The following WASF2 variants were observed in gnomAD, a reference collection of about 807,000 sequenced individuals.
WASF2 encodes the protein WASP family member 2.
Under a neutral mutation model 45.0 loss-of-function variants are expected in WASF2, and 14 were observed. The observed-to-expected ratio is 0.31, with a 90% CI of 0.21 to 0.49. The LOEUF (loss-of-function observed/expected upper bound fraction) is 0.49. WASF2 is among the 20% of genes least tolerant of loss of function. The pLI is 0.99. For synonymous variants in WASF2, 200 were observed against 236.3 expected (o/e 0.85, Z 1.41); for missense variants, 439 against 636.1 (o/e 0.69, Z 3.33).
intron 1 of WASF2, among the ~76,000 whole-genome samples, chr1:27,480,452 G>A (rs1441170224): frequency 6.6e-6 from 1 of 151,620 alleles, no homozygotes; most frequent in Non-Finnish European, 1.5e-5. Flanking sequence ...GGGAGGCAGA[G>A]GTTGCAGTGA....
intron 2 of WASF2, among the ~76,000 whole-genome samples, chr1:27,420,314 T>C (rs1345796984): frequency 6.6e-6 from 1 of 152,096 alleles, no homozygotes; most frequent in East Asian, 1.9e-4. Flanking sequence ...AAAAACAACA[T>C]AGCAGTGGTC....
At chr1:27,462,578 T>C in intron 1 of WASF2, among the ~76,000 whole-genome samples, 1 of 152,104 alleles carries the variant, frequency 6.6e-6, no homozygotes, top group East Asian at 1.9e-4. Context: ...AGAGCTGGTA[T>C]GACAGGCATG....
intron 1 of WASF2, among the ~76,000 whole-genome samples, chr1:27,472,107 C>A (rs754784386): frequency 4.6e-5 from 7 of 151,992 alleles, no homozygotes; most frequent in Non-Finnish European, 7.4e-5. Context: ...CAGAGGCGGG[C>A]AGATCACGAG....
chr1:27,459,512 G>A (rs186697297), intron 1 of WASF2: 1 of 151,680 alleles, frequency 6.6e-6, no homozygotes, highest in East Asian at 1.9e-4. Context: ...GGAATTCACT[G>A]AATTTAAAGA....
chr1:27,425,744 CAGG>C (rs1557600898), intron 2 of WASF2, among the ~76,000 whole-genome samples: 1 of 143,182 alleles, frequency 7.0e-6, no homozygotes, highest in African/African-American at 2.6e-5. Flanking sequence ...GAGGCTGAGG[CAGG>C]AGAATGGCGT....
chr1:27,416,631 G>C (rs1049636513), intron 4 of WASF2, among the ~76,000 whole-genome samples: 1 of 152,192 alleles, frequency 6.6e-6, no homozygotes, highest in Non-Finnish European at 1.5e-5. Flanking sequence ...TGCACACACA[G>C]AAAACCAACC....
At chr1:27,478,559 T>C (rs1463878846) in intron 1 of WASF2, among the ~76,000 whole-genome samples, 2 of 152,158 alleles carry the variant, frequency 1.3e-5, no homozygotes, top group Non-Finnish European at 2.9e-5. Context: ...GAGGGAACTT[T>C]GGAGGGTTAT....
chr1:27,441,349 T>C (rs1032998638), intron 1 of WASF2, among the ~76,000 whole-genome samples: 29 of 150,624 alleles, frequency 1.9e-4, no homozygotes, highest in African/African-American at 6.6e-4. Context: ...AAAACGTGGC[T>C]GGGCGTGGTG....
chr1:27,489,250 GCGCACACACACA>G lies in WASF2; in HGVS notation c.-44+724_-44+735del, dbSNP rs1273590530. Among the ~76,000 whole-genome samples the G allele has an allele frequency of 1.4e-3, 153 of 111,666 alleles. 2 individuals carry two copies. The highest frequency in any genetic ancestry group is 5.4e-3 in the African/African-American group (138 of 25,648). The allele number at this position is 111,666 out of a possible 152,430, so 73.3% of individuals were successfully genotyped here. ...TTACTCTGCAGACTATCCTGTACGC[GCGCACACACACA>G]CACACACACACACACACACACACAC... On this transcript the variant is annotated intron_variant, in intron 1 of 8. Transcript: ENST00000618852.
At chr1:27,473,461 AAAAAAAAAAAAAAG>A (rs1367717874) in intron 1 of WASF2, among the ~76,000 whole-genome samples, 2 of 151,030 alleles carry the variant, frequency 1.3e-5, no homozygotes, top group East Asian at 1.9e-4. Context: ...TGGCCAAAAA[AAAAAAAAAAAAAAG>A]AAAGAAAAAA....
Position 27,407,593 on chromosome 1 carries a change from T to A in WASF2, c.*596A>T, listed in dbSNP as rs2016696366. On this transcript the variant is annotated 3_prime_UTR_variant, in exon 9 of 9. Coordinates refer to ENST00000618852, the MANE Select transcript of WASF2 (RefSeq NM_006990.5). Reference sequence around the variant, plus strand: ...TTTGGGCAGAGGAGGTGAGACATTCTTTAGAGGCTTGATGCCTCCTGGAAT... The same window carrying A: ...TTTGGGCAGAGGAGGTGAGACATTCATTAGAGGCTTGATGCCTCCTGGAAT... The A allele has an allele frequency of 6.6e-6, 1 of 152,624 alleles. No individual in the cohort carries two copies. Among genetic ancestry groups the A allele is most frequent in the Admixed American group, 6.5e-5 (1 of 15,282 alleles). 9.5% of individuals were successfully genotyped at this position (152,624 alleles called of 1,614,324 possible). A position where few individuals can be genotyped will look rare whatever the true frequency, so the allele number is the denominator to read the frequency against.
intron 1 of WASF2, among the ~76,000 whole-genome samples, chr1:27,436,522 A>G (rs74224110): frequency 0.04 from 6,024 of 152,308 alleles, 607 homozygotes; most frequent in East Asian, 0.36. Flanking sequence ...TCAGTTGGAA[A>G]GTCGAATAGT....
intron 1 of WASF2, among the ~76,000 whole-genome samples, chr1:27,458,878 C>T (rs898356452): frequency 1.1e-4 from 17 of 150,902 alleles, no homozygotes; most frequent in Admixed American, 1.1e-3. Flanking sequence ...GTAATCCTAG[C>T]ACTTTGGGAG....
chr1:27,461,616 C>A (rs989505822), intron 1 of WASF2, among the ~76,000 whole-genome samples: 1 of 152,032 alleles, frequency 6.6e-6, no homozygotes, highest in Admixed American at 6.6e-5. Context: ...GCGCCCGCCA[C>A]CACGCCCAGC....
chr1:27,470,077 G>A (rs186526965), intron 1 of WASF2, among the ~76,000 whole-genome samples: 19 of 152,332 alleles, frequency 1.2e-4, no homozygotes, highest in Non-Finnish European at 2.4e-4. Context: ...TAGTGACAGG[G>A]AGTATTATAT....
intron 1 of WASF2, among the ~76,000 whole-genome samples, chr1:27,466,621 C>G (rs2017614561): frequency 1.3e-5 from 2 of 152,152 alleles, no homozygotes; most frequent in Non-Finnish European, 2.9e-5. Context: ...GAAATTCCAG[C>G]CTTTGGGAAG....
intron 1 of WASF2, among the ~76,000 whole-genome samples, chr1:27,454,658 G>A (rs990192846): frequency 6.6e-5 from 10 of 152,210 alleles, no homozygotes; most frequent in Admixed American, 6.5e-4. Context: ...TTTTTTTGTA[G>A]AGACAGTGTC....
intron 3 of WASF2, 79 bp downstream of exon 3, chr1:27,418,875 T>C: frequency 2.6e-6 from 4 of 1,512,658 alleles, no homozygotes; most frequent in Non-Finnish European, 3.5e-6. Context: ...ACGTTTTTTT[T>C]TTTTTAAATA....
intron 1 of WASF2, among the ~76,000 whole-genome samples, chr1:27,468,219 T>TAGTAA (rs1042087990): frequency 6.6e-6 from 1 of 152,056 alleles, no homozygotes; most frequent in Non-Finnish European, 1.5e-5. Flanking sequence ...AACCAGTTTA[T>TAGTAA]AGGGAATAAA....
Sources: gnomAD v4.1 joint callset for allele counts (sites outside exome capture counted in the v4.1 genomes callset) on GRCh38, gnomAD v4.1.1 for gene constraint, MANE v1.5 for transcripts, NCBI Gene and HGNC (gene_info 2026-07-23, HGNC 2026-07-21) for gene names.